DCLK1: variants seen among roughly 807,000 people sequenced by gnomAD.
DCLK1 encodes the protein serine/threonine-protein kinase DCLK1.
Under a neutral mutation model 86.2 loss-of-function variants are expected in DCLK1, and 16 were observed. That is an observed-to-expected ratio of 0.19 (90% CI 0.13 to 0.28). The LOEUF (loss-of-function observed/expected upper bound fraction) is 0.28, where lower values mean the gene tolerates loss of function less well. Ranked by LOEUF, DCLK1 falls within the 10% of genes least tolerant of loss-of-function variation. The pLI is 1.00. For synonymous variants in DCLK1, 369 were observed against 370.5 expected, an observed-to-expected ratio of 1.00 and a Z score of 0.05; for missense variants, 590 against 940.2, an observed-to-expected ratio of 0.63 and a Z score of 4.87.
intron 10 of DCLK1, among the ~76,000 whole-genome samples, chr13:35,825,189 C>A (rs9531093): frequency 6.6e-6 from 1 of 151,994 alleles, no homozygotes; most frequent in Non-Finnish European, 1.5e-5. Flanking sequence ...CATCCCTGGG[C>A]CCTGAGGGTT....
At chr13:35,815,107 T>C (rs186660784) in intron 11 of DCLK1, among the ~76,000 whole-genome samples, 1 of 152,332 alleles carries the variant, frequency 6.6e-6, no homozygotes, top group East Asian at 1.9e-4. Flanking sequence ...ACTGGTATTT[T>C]GCACAGGATT....
chr13:35,902,308 A>T (rs1874413044), intron 4 of DCLK1, among the ~76,000 whole-genome samples: 1 of 152,222 alleles, frequency 6.6e-6, no homozygotes, highest in Admixed American at 6.5e-5. Context: ...TCTGTGGCAT[A>T]TATGGTGATT....
chr13:35,965,039 A>G (rs372844482), intron 3 of DCLK1, among the ~76,000 whole-genome samples: 40 of 152,302 alleles, frequency 2.6e-4, no homozygotes, highest in African/African-American at 9.1e-4. Context: ...GACTTAAGCC[A>G]TAACTTAAGT....
chr13:36,082,156 C>T (rs572784204), intron 3 of DCLK1, among the ~76,000 whole-genome samples: 1 of 152,204 alleles, frequency 6.6e-6, no homozygotes, highest in South Asian at 2.1e-4. Flanking sequence ...CTTTCACCTC[C>T]TCCACCTCTT....
chr13:35,789,921 G>A (rs2086684767), intron 16 of DCLK1, among the ~76,000 whole-genome samples: 1 of 151,482 alleles, frequency 6.6e-6, no homozygotes, highest in Admixed American at 6.6e-5. Flanking sequence ...ACTGAGAAAG[G>A]CAGCAGAGGG....
chr13:35,794,296 T>C (rs1311581836), intron 15 of DCLK1, among the ~76,000 whole-genome samples: 2 of 152,238 alleles, frequency 1.3e-5, no homozygotes, highest in Non-Finnish European at 2.9e-5. Context: ...CATAGTGCCT[T>C]GGCACATATT....
At chr13:35,851,823 A>AT (rs1870664878) in intron 6 of DCLK1, among the ~76,000 whole-genome samples, 1 of 152,226 alleles carries the variant, frequency 6.6e-6, no homozygotes, top group Non-Finnish European at 1.5e-5. Context: ...TAAAAATGTG[A>AT]TTTTAACAGA....
chr13:36,078,515 T>C (rs535011075), intron 3 of DCLK1, among the ~76,000 whole-genome samples: 11 of 152,358 alleles, frequency 7.2e-5, no homozygotes, highest in African/African-American at 2.4e-4. Context: ...TCATTTCAGC[T>C]ACCAGAAAGC....
chr13:35,800,813 TTCGAGCCA>T (rs58516055), intron 15 of DCLK1, among the ~76,000 whole-genome samples: 24,262 of 151,632 alleles, frequency 0.16, 2,944 homozygotes, highest in African/African-American at 0.33. Context: ...TGCCCCCAGG[TTCGAGCCA>T]TCCTCATTCC....
At chr13:35,844,676 T>A (rs1057000830) in intron 6 of DCLK1, among the ~76,000 whole-genome samples, 2 of 152,240 alleles carry the variant, frequency 1.3e-5, no homozygotes, top group African/African-American at 4.8e-5. Context: ...GGGAGCTCAC[T>A]AGTCTTCTAG....
chr13:35,949,690 G>T (rs1383337016), intron 3 of DCLK1, among the ~76,000 whole-genome samples: 1 of 152,084 alleles, frequency 6.6e-6, no homozygotes, highest in Non-Finnish European at 1.5e-5. Flanking sequence ...ACTTCTATGT[G>T]GAAAAATAAC....
chr13:36,045,006 T>C (rs1882825840), intron 3 of DCLK1, among the ~76,000 whole-genome samples: 1 of 151,718 alleles, frequency 6.6e-6, no homozygotes, highest in Non-Finnish European at 1.5e-5. Flanking sequence ...AATAAATATA[T>C]ACCTTATAAT....
At chr13:35,859,485 T>C (rs551104833) in intron 5 of DCLK1, among the ~76,000 whole-genome samples, 1 of 152,334 alleles carries the variant, frequency 6.6e-6, no homozygotes, top group Non-Finnish European at 1.5e-5. Flanking sequence ...GAAATCTCAC[T>C]GCAGAGCTGA....
chr13:35,790,497 G>T (rs1451270535), intron 16 of DCLK1, among the ~76,000 whole-genome samples: 2 of 152,044 alleles, frequency 1.3e-5, no homozygotes, highest in African/African-American at 2.4e-5. Context: ...ATTCTAAAGG[G>T]TGTATGTAAT....
At chr13:35,907,770 G>A (rs1198388862) in intron 4 of DCLK1, among the ~76,000 whole-genome samples, 1 of 150,794 alleles carries the variant, frequency 6.6e-6, no homozygotes, top group African/African-American at 2.4e-5. Flanking sequence ...GCTAAGCATG[G>A]GTTAAACAGT....
chr13:36,013,214 T>G (rs1298775939), intron 3 of DCLK1, among the ~76,000 whole-genome samples: 3 of 151,894 alleles, frequency 2.0e-5, no homozygotes, highest in African/African-American at 7.3e-5. Flanking sequence ...GTCTGAAGCC[T>G]TCCTCTCTCA....
In DCLK1 at chr13:35,951,917, ATTTCTT is replaced by A. The variant is rs1288274851; in HGVS notation, c.724-4466_724-4461del. Among the ~76,000 whole-genome samples, 4 of 152,230 alleles carry A rather than the reference ATTTCTT, an allele frequency of 2.6e-5. No individual in the cohort carries two copies. The East Asian group carries it at 7.8e-4, about 30-fold the overall frequency. ...AAGGCAGTGTCTCGCGTTAGGTGCC[ATTTCTT>A]TTGGCACCATGGAGATGTCTGCTTA... On this transcript the variant is annotated intron_variant, in intron 3 of 16. Transcript: ENST00000360631.
chr13:35,968,933 A>T (rs551606457), intron 3 of DCLK1, among the ~76,000 whole-genome samples: 1 of 152,300 alleles, frequency 6.6e-6, no homozygotes, highest in African/African-American at 2.4e-5. Context: ...CGTCCTAACC[A>T]ATCAGCCAAC....
chr13:35,986,953 G>A (rs748096432), intron 3 of DCLK1, among the ~76,000 whole-genome samples: 12 of 152,220 alleles, frequency 7.9e-5, no homozygotes, highest in Non-Finnish European at 1.5e-4. Context: ...AAGCCTGGAC[G>A]ATCATGTAAA....
Sources: allele counts gnomAD v4.1 joint callset (sites outside exome capture counted in the v4.1 genomes callset), GRCh38; gene constraint gnomAD v4.1.1; transcripts MANE v1.5; gene names NCBI Gene and HGNC (gene_info 2026-07-23, HGNC 2026-07-21).